ROPN1: variants seen among roughly 807,000 people sequenced by gnomAD.
ROPN1 encodes rhophilin associated tail protein 1, also known as ropporin-1A.
A neutral mutation model predicts 20.5 loss-of-function variants in ROPN1; 14 were observed. The ratio of observed to expected loss-of-function variants is 0.68; its 90% confidence interval spans 0.45 to 1.07. The LOEUF (loss-of-function observed/expected upper bound fraction) is 1.07. ROPN1 is among the 50% of genes least tolerant of loss of function. The pLI, the probability that ROPN1 is intolerant of heterozygous loss-of-function variation, is 0.00. For missense variants in ROPN1, 169 were observed against 242.8 expected (o/e 0.70, Z 2.02); for synonymous variants, 76 against 95.7 (o/e 0.79, Z 1.20).
intron 2 of ROPN1, chr3:123,980,163 A>C: frequency 3.3e-6 from 2 of 609,724 alleles, no homozygotes; most frequent in Non-Finnish European, 5.8e-6. Context: ...TGGCTCCCTT[A>C]GGGGAGGCAT....
chr3:123,980,446 C>G lies in ROPN1; in HGVS notation c.36G>C (p.Pro12=), dbSNP rs2038116263. 6.2e-7 allele frequency: 1 copy of G among 1,614,014 alleles called. No individual in the cohort carries two copies. The highest frequency in any genetic ancestry group is 1.3e-5 in the African/African-American group (1 of 74,900). Residue 12 remains proline, a synonymous_variant, in exon 2 of 6, where the codon CCG becomes CCC. Coordinates refer to ENST00000405845, the MANE Select transcript of ROPN1 (RefSeq NM_001317774.2). The part of the protein sequence containing the change: ...AQTDKPTCIP[P]ELPKMLKEFA... The stretch of plus-strand genomic sequence containing the variant: ...ACTCCTTCAGCATCTTCGGCAGCTC[C>G]GGCGGGATGCATGTTGGCTTATCTG...
At chr3:123,969,953 G>T in intron 5 of ROPN1, 89 bp downstream of exon 5, 1 of 1,240,720 alleles carries the variant, frequency 8.1e-7, no homozygotes, top group Non-Finnish European at 1.1e-6. Flanking sequence ...TGTTTCCAGA[G>T]CAGTATAATA....
Position 123,970,086 on chromosome 3 carries a change from A to G in ROPN1, c.528T>C (p.Ser176=). The G allele has an allele frequency of 6.2e-7, 1 of 1,614,228 alleles. No homozygotes were observed. Among genetic ancestry groups the G allele is most frequent in the East Asian group, 2.2e-5 (1 of 44,884 alleles). The change falls in exon 5 of 6, where the codon TCT becomes TCC. Residue 176 remains serine, a synonymous_variant. Coordinates refer to ENST00000405845, the MANE Select transcript of ROPN1 (RefSeq NM_001317774.2). The part of the protein sequence containing the change: ...TYIAKVDGEI[S]ASHVSRMLNY... The stretch of plus-strand genomic sequence containing the variant: ...TTAGCATCCTGCTGACATGTGATGC[A>G]GAGATCTCCCCATCCACTTTGGCAA...
At chr3:123,986,020 C>CAAAAAAAAAAAAAAAAAAAAAAA (rs1426979438) in intron 1 of ROPN1, among the ~76,000 whole-genome samples, 17 of 49,892 alleles carry the variant, frequency 3.4e-4, no homozygotes, top group African/African-American at 7.3e-4. Flanking sequence ...AAAAAAAAAT[C>CAAAAAAAAAAAAAAAAAAAAAAA]AAAATATTTA....
intron 2 of ROPN1, among the ~76,000 whole-genome samples, chr3:123,977,329 T>C (rs769856983): frequency 3.3e-5 from 5 of 152,210 alleles, no homozygotes; most frequent in Non-Finnish European, 7.3e-5. Flanking sequence ...GTATATTACA[T>C]ATGTATATAT....
At chr3:123,988,806 T>A (rs1463406853) in intron 1 of ROPN1, among the ~76,000 whole-genome samples, 2 of 152,004 alleles carry the variant, frequency 1.3e-5, no homozygotes, top group Non-Finnish European at 2.9e-5. Context: ...TCACACACTC[T>A]GCTTCATGGA....
chr3:123,970,262 A>T (rs536607735), intron 4 of ROPN1, 45 bp from the exon 5 acceptor site: 1 of 1,550,782 alleles, frequency 6.4e-7, no homozygotes. Flanking sequence ...TCTTCCAGGC[A>T]ATATTCCTGA....
At chr3:123,979,439 A>G (rs1237816499) in intron 2 of ROPN1, 1 of 349,492 alleles carries the variant, frequency 2.9e-6, no homozygotes, top group Non-Finnish European at 5.7e-6. Context: ...ATCAAACAGT[A>G]AAAATAGCCT....
chr3:123,991,065 G>A (rs952493592), intron 1 of ROPN1: 16 of 152,214 alleles, frequency 1.1e-4, no homozygotes, highest in Non-Finnish European at 1.5e-4. Flanking sequence ...GGTTACTCTT[G>A]TTTGGAATAC....
chr3:123,970,168 T>C lies in ROPN1; in HGVS notation c.446A>G (p.His149Arg), dbSNP rs753530728. The C allele has an allele frequency of 6.2e-7, 1 of 1,614,164 alleles. No homozygotes were observed. The highest frequency in any genetic ancestry group is 1.1e-5 in the South Asian group (1 of 91,086). The change falls in exon 5 of 6, where the codon CAT becomes CGT. Residue 149 changes from histidine (H) to arginine (R), a missense_variant. Physicochemically the swap from His to Arg is conservative, Grantham distance 29 (BLOSUM62 0). This residue lies in a region of ROPN1 where 82 missense variants were observed against 100.1 expected (regional missense o/e 0.82). Coordinates refer to ENST00000405845, the MANE Select transcript of ROPN1 (RefSeq NM_001317774.2). ...CGGGATCCGGGGCGACCCACCATTA[T>C]GGTCACATGATAAGACCTCACACAC... ...KIVCEVLSCD[H>R]NGGSPRIPFS... is the part of the protein sequence containing the mutation.
chr3:123,972,722 CT>C (rs1466609079), intron 4 of ROPN1, among the ~76,000 whole-genome samples: 1 of 152,178 alleles, frequency 6.6e-6, no homozygotes, highest in Non-Finnish European at 1.5e-5. Context: ...AACAAACTGG[CT>C]TTTCTGAATG....
At chr3:123,971,778 C>T (rs1334059039) in intron 4 of ROPN1, among the ~76,000 whole-genome samples, 1 of 152,194 alleles carries the variant, frequency 6.6e-6, no homozygotes, top group Admixed American at 6.5e-5. Context: ...ACCCTCTGCA[C>T]CCCTAATGCT....
At chr3:123,987,073 C>T (rs2038277649) in intron 1 of ROPN1, among the ~76,000 whole-genome samples, 1 of 152,252 alleles carries the variant, frequency 6.6e-6, no homozygotes, top group South Asian at 2.1e-4. Flanking sequence ...GTGGAATGGC[C>T]ATCCCTGGCC....
chr3:123,981,290 G>T (rs917458752), intron 1 of ROPN1: 1 of 152,272 alleles, frequency 6.6e-6, no homozygotes, highest in Admixed American at 6.5e-5. Flanking sequence ...TGCTGGGCTT[G>T]CAGTGAAGTG....
intron 5 of ROPN1, 121 bp from the exon 6 acceptor site, chr3:123,969,342 T>C: frequency 1.1e-6 from 1 of 883,896 alleles, no homozygotes; most frequent in African/African-American, 1.7e-5. Flanking sequence ...CTTTTTTTGT[T>C]TTGTTTTGTT....
chr3:123,982,807 A>T (rs1440367773), intron 1 of ROPN1, among the ~76,000 whole-genome samples: 1 of 152,136 alleles, frequency 6.6e-6, no homozygotes, highest in East Asian at 1.9e-4. Flanking sequence ...CACAATCACC[A>T]CCAGCCATCT....
chr3:123,971,607 T>A (rs142797788), intron 4 of ROPN1, among the ~76,000 whole-genome samples: 126 of 152,248 alleles, frequency 8.3e-4, no homozygotes, highest in Admixed American at 4.0e-3. Context: ...TGGGGCCAAC[T>A]AGTATATATG....
At chr3:123,973,961 G>A (rs2037964815) in intron 4 of ROPN1, among the ~76,000 whole-genome samples, 1 of 152,148 alleles carries the variant, frequency 6.6e-6, no homozygotes, top group African/African-American at 2.4e-5. Flanking sequence ...ACTGCTCTGT[G>A]GTCCTAGAGT....
At chr3:123,985,915 G>A (rs1277304831) in intron 1 of ROPN1, among the ~76,000 whole-genome samples, 1 of 141,114 alleles carries the variant, frequency 7.1e-6, no homozygotes, top group Non-Finnish European at 1.5e-5. Flanking sequence ...AGGAGGCTGA[G>A]TTGGGAGGAT....
Sources: gnomAD v4.1 joint callset for allele counts (sites outside exome capture counted in the v4.1 genomes callset) on GRCh38, gnomAD v4.1.1 for gene constraint, gnomAD v4.1.1 regional missense constraint, MANE v1.5 for transcripts, NCBI Gene and HGNC (gene_info 2026-07-23, HGNC 2026-07-21) for gene names.